FUT8: variants seen among roughly 807,000 people sequenced by gnomAD.
FUT8 encodes the protein fucosyltransferase 8, also known as alpha-(1,6)-fucosyltransferase.
A neutral mutation model predicts 71.3 loss-of-function variants in FUT8; 29 were observed. The observed-to-expected ratio is 0.41, with a 90% CI of 0.30 to 0.55. The LOEUF is 0.55. Among genes scored for constraint, FUT8 ranks in the 20% least tolerant of loss-of-function variants. The pLI, the probability that FUT8 is intolerant of heterozygous loss-of-function variation, is 0.34. For synonymous variants in FUT8, 254 were observed against 239.3 expected (o/e 1.06, Z -0.57); for missense variants, 544 against 702.1 (o/e 0.77, Z 2.55).
intron 1 of FUT8, among the ~76,000 whole-genome samples, chr14:65,449,827 CTAGAATGGCCT>C (rs1296410118): frequency 6.6e-6 from 1 of 152,174 alleles, no homozygotes; most frequent in African/African-American, 2.4e-5. Flanking sequence ...TTGGGGAAAC[CTAGAATGGCCT>C]TAGGACCATC....
At chr14:65,478,612 A>G (rs990462882) in intron 2 of FUT8, among the ~76,000 whole-genome samples, 5 of 152,218 alleles carry the variant, frequency 3.3e-5, no homozygotes, top group African/African-American at 9.6e-5. Flanking sequence ...TTGGGAGGCT[A>G]CTAGGCTGGG....
intron 2 of FUT8, among the ~76,000 whole-genome samples, chr14:65,528,652 C>T (rs1455001994): frequency 6.6e-6 from 1 of 152,150 alleles, no homozygotes; most frequent in Non-Finnish European, 1.5e-5. Flanking sequence ...AGGCTGGGAG[C>T]TATAGACTGG....
chr14:65,430,729 A>C (rs10145561), intron 1 of FUT8, among the ~76,000 whole-genome samples: 6,243 of 152,262 alleles, frequency 0.041, 225 homozygotes, highest in South Asian at 0.17. Flanking sequence ...AGAATAATTA[A>C]AAGTTTTGTA....
chr14:65,731,130 G>A (rs1316205170), intron 9 of FUT8, among the ~76,000 whole-genome samples: 1 of 152,172 alleles, frequency 6.6e-6, no homozygotes, highest in Non-Finnish European at 1.5e-5. Context: ...ACAGCACAGA[G>A]CACTAGGAAT....
At chr14:65,532,824 A>T (rs1349809425) in intron 2 of FUT8, among the ~76,000 whole-genome samples, 1 of 152,192 alleles carries the variant, frequency 6.6e-6, no homozygotes, top group African/African-American at 2.4e-5. Flanking sequence ...TAGTCTAAGA[A>T]TGTGTCCAGT....
At chr14:65,436,027 C>G (rs1205575389) in intron 1 of FUT8, among the ~76,000 whole-genome samples, 1 of 149,610 alleles carries the variant, frequency 6.7e-6, no homozygotes, top group African/African-American at 2.5e-5. Flanking sequence ...CGACTCTGAA[C>G]TCAAGCAGTT....
intron 2 of FUT8, among the ~76,000 whole-genome samples, chr14:65,540,166 G>A (rs1884591144): frequency 6.6e-6 from 1 of 152,188 alleles, no homozygotes; most frequent in African/African-American, 2.4e-5. Context: ...CTCAACATCA[G>A]TAGTGATTCT....
At chr14:65,461,761 A>G (rs2065972066) in intron 2 of FUT8, among the ~76,000 whole-genome samples, 1 of 152,200 alleles carries the variant, frequency 6.6e-6, no homozygotes, top group Admixed American at 6.5e-5. Flanking sequence ...ATTGCCAAGG[A>G]AGAAGGCTTT....
chr14:65,598,497 A>G (rs1317509518), intron 3 of FUT8, among the ~76,000 whole-genome samples: 1 of 152,188 alleles, frequency 6.6e-6, no homozygotes. Context: ...CTAGGATTGC[A>G]GGCGTGAGCC....
chr14:65,717,006 G>A (rs368241376), intron 7 of FUT8, among the ~76,000 whole-genome samples: 14 of 140,074 alleles, frequency 1.0e-4, no homozygotes, highest in East Asian at 2.3e-4. Context: ...CGGGGTGGCC[G>A]GGCAGAGGCG....
In FUT8 at chr14:65,413,586, C is replaced by G. The variant is rs1472963803; in HGVS notation, c.-326+372C>G. On this transcript the variant is annotated intron_variant, in intron 1 of 10. Coordinates refer to ENST00000673929, the MANE Select transcript of FUT8 (RefSeq NM_001371533.1). This position sits in a 1 kb window ranked among gnomAD's most constrained non-coding sequence, Gnocchi z 4.1. The stretch of plus-strand genomic sequence containing the variant: ...GGTGTCCGTCGTTTCCCCTCCACAC[C>G]TACCTTCCCTTCGTCAGCAGCTCGG... Among the ~76,000 whole-genome samples the G allele has an allele frequency of 6.6e-6, 1 of 152,206 alleles. No individual in the cohort carries two copies. Among genetic ancestry groups the G allele is most frequent in the Non-Finnish European group, 1.5e-5 (1 of 68,020 alleles).
At chr14:65,436,068 C>A (rs2065553965) in intron 1 of FUT8, among the ~76,000 whole-genome samples, 4 of 151,768 alleles carry the variant, frequency 2.6e-5, no homozygotes, top group Admixed American at 2.6e-4. Context: ...GAAGCTGGGA[C>A]CACAGGTGTG....
At chr14:65,684,795 C>A (rs1193157985) in intron 7 of FUT8, among the ~76,000 whole-genome samples, 2 of 152,132 alleles carry the variant, frequency 1.3e-5, no homozygotes, top group Non-Finnish European at 2.9e-5. Context: ...TGCCTTCCAC[C>A]ATGATTGTAA....
intron 7 of FUT8, among the ~76,000 whole-genome samples, chr14:65,697,661 G>A (rs1223920359): frequency 6.6e-6 from 1 of 152,208 alleles, no homozygotes; most frequent in Non-Finnish European, 1.5e-5. Context: ...ATGAGGCCAG[G>A]TGCGGTGGCT....
rs557895462 is a variant in FUT8, at chr14:65,544,819, G to A, written c.-227-16518G>A. ...CATATGTATATACTATGACACTACTGATAAGAAATATGAAGTATGATAGAT... is the reference window on the plus strand; with the variant it reads ...CATATGTATATACTATGACACTACTAATAAGAAATATGAAGTATGATAGAT... On this transcript the variant is annotated intron_variant, in intron 2 of 10. Transcript: ENST00000673929. Among the ~76,000 whole-genome samples the A allele has an allele frequency of 1.3e-3, 198 of 152,166 alleles. 6 individuals are homozygous for A. Among genetic ancestry groups the A allele is most frequent in the Non-Finnish European group, 1.4e-3 (97 of 67,942 alleles).
chr14:65,621,655 G>A (rs1173425120), intron 5 of FUT8, among the ~76,000 whole-genome samples: 7 of 151,818 alleles, frequency 4.6e-5, no homozygotes, highest in Admixed American at 1.3e-4. Context: ...TCTGCCTCCC[G>A]AGTTCAAGCG....
At chr14:65,711,183 CAAGTGAATGAAT>C (rs1189031852) in intron 7 of FUT8, among the ~76,000 whole-genome samples, 1 of 152,050 alleles carries the variant, frequency 6.6e-6, no homozygotes, top group Non-Finnish European at 1.5e-5. Flanking sequence ...AATATTTAAA[CAAGTGAATGAAT>C]AAATGAATGA....
the FUT8 span, among the ~76,000 whole-genome samples, chr14:65,395,556 C>A: frequency 0.061 from 9,285 of 152,258 alleles, 334 homozygotes; most frequent in Admixed American, 0.11. Flanking sequence ...AGCCATGGCC[C>A]GAGCCATACC....
chr14:65,599,262 A>AT lies in FUT8; in HGVS notation c.204-16711dup, dbSNP rs145671680. Among the ~76,000 whole-genome samples, 1,047 of 152,156 alleles carry AT rather than the reference A, an allele frequency of 6.9e-3. 11 individuals carry two copies. Among genetic ancestry groups the AT allele is most frequent in the African/African-American group, 0.024 (984 of 41,490 alleles). ...TATCAGGCATATAAATAAGATAATCATTTTTCTGAAAAGAAAGAGGAGAAA... is the reference window on the plus strand; with the variant it reads ...TATCAGGCATATAAATAAGATAATCATTTTTTCTGAAAAGAAAGAGGAGAAA... On this transcript the variant is annotated intron_variant, in intron 3 of 10. Coordinates refer to ENST00000673929, the MANE Select transcript of FUT8 (RefSeq NM_001371533.1).
Sources: gnomAD v4.1 joint callset for allele counts (sites outside exome capture counted in the v4.1 genomes callset) on GRCh38, gnomAD v4.1.1 for gene constraint, Gnocchi (gnomAD v3.1) non-coding constraint, MANE v1.5 for transcripts, NCBI Gene and HGNC (gene_info 2026-07-23, HGNC 2026-07-21) for gene names.